Variants in CTNNA3 observed in about 807,000 individuals in gnomAD.
The protein encoded by CTNNA3 is catenin alpha-3.
Under a neutral mutation model 95.7 loss-of-function variants are expected in CTNNA3, and 76 were observed. The ratio of observed to expected loss-of-function variants is 0.79; its 90% CI spans 0.66 to 0.96. The LOEUF (loss-of-function observed/expected upper bound fraction) is 0.96. Ranked by LOEUF, CTNNA3 falls within the 40% of genes least tolerant of loss-of-function variation. The probability of loss-of-function intolerance (pLI) is 0.00; values close to 1 mark genes in which losing one functional copy is unlikely to be tolerated. For missense variants in CTNNA3, 1,191 were observed against 1,089.8 expected (o/e 1.09, Z -1.31); for synonymous variants, 431 against 374.4 (o/e 1.15, Z -1.74).
intron 1 of CTNNA3, among the ~76,000 whole-genome samples, chr10:67,653,038 A>T (rs181751062): frequency 6.6e-6 from 1 of 152,322 alleles, no homozygotes; most frequent in Admixed American, 6.5e-5. Flanking sequence ...AAAGATATTT[A>T]ATTGGCTCAT....
intron 7 of CTNNA3, among the ~76,000 whole-genome samples, chr10:66,964,757 G>A (rs754017059): frequency 6.6e-6 from 1 of 152,138 alleles, no homozygotes; most frequent in Non-Finnish European, 1.5e-5. Context: ...AAGGCAGCAT[G>A]GAAGTAGGAG....
intron 4 of CTNNA3, among the ~76,000 whole-genome samples, chr10:67,524,946 T>A (rs770465583): frequency 4.6e-5 from 7 of 152,172 alleles, no homozygotes; most frequent in Non-Finnish European, 7.3e-5. Flanking sequence ...CTCCAAGATT[T>A]TCTATATTTG....
chr10:67,208,903 T>C (rs1335371035), intron 6 of CTNNA3, among the ~76,000 whole-genome samples: 7 of 152,122 alleles, frequency 4.6e-5, no homozygotes, highest in Admixed American at 3.9e-4. Flanking sequence ...AATATCAATA[T>C]TAATACCAGA....
chr10:67,183,735 A>C (rs1862698800), intron 6 of CTNNA3, among the ~76,000 whole-genome samples: 1 of 152,098 alleles, frequency 6.6e-6, no homozygotes, highest in Admixed American at 6.6e-5. Context: ...TACTCCAAAA[A>C]GTTCACGTAA....
At chr10:66,182,418 G>C (rs2086096451) in intron 13 of CTNNA3, among the ~76,000 whole-genome samples, 1 of 152,084 alleles carries the variant, frequency 6.6e-6, no homozygotes, top group Admixed American at 6.5e-5. Context: ...ACCACGCCTA[G>C]CTATTTTTTA....
chr10:67,430,173 A>G (rs1373853567), intron 5 of CTNNA3, among the ~76,000 whole-genome samples: 3 of 151,998 alleles, frequency 2.0e-5, no homozygotes, highest in South Asian at 4.1e-4. Context: ...AATATGACCA[A>G]AAATACAATG....
chr10:67,586,657 C>A lies in CTNNA3; in HGVS notation c.292+20200G>T, dbSNP rs1842635879. On this transcript the variant is annotated intron_variant, in intron 3 of 17. Coordinates refer to ENST00000433211, the MANE Select transcript of CTNNA3 (RefSeq NM_013266.4). ...TTCTGTTTTGTGGAATATCTCCCCA[C>A]CCCATCCCTATTTTTAGTCTATATG... Among the ~76,000 whole-genome samples the A allele has an allele frequency of 2.0e-5, 3 of 152,046 alleles. No homozygotes were observed. The South Asian group carries it at 6.2e-4, about 32-fold the overall frequency.
chr10:66,430,149 C>T (rs1230844204), intron 11 of CTNNA3, among the ~76,000 whole-genome samples: 1 of 143,236 alleles, frequency 7.0e-6, no homozygotes, highest in Non-Finnish European at 1.5e-5. Context: ...AACTCCCATT[C>T]ACAATTGCTT....
chr10:66,337,354 A>G (rs1219033623), intron 12 of CTNNA3, among the ~76,000 whole-genome samples: 1 of 152,148 alleles, frequency 6.6e-6, no homozygotes, highest in Non-Finnish European at 1.5e-5. Context: ...GTACAGATAC[A>G]CTTATTTGGA....
chr10:66,853,638 C>A (rs180801568), intron 7 of CTNNA3, among the ~76,000 whole-genome samples: 1 of 151,994 alleles, frequency 6.6e-6, no homozygotes, highest in Non-Finnish European at 1.5e-5. Context: ...CTAATAAGTA[C>A]GAAGTGGTGA....
chr10:67,230,678 T>C (rs1589055719), intron 5 of CTNNA3, among the ~76,000 whole-genome samples: 1 of 152,192 alleles, frequency 6.6e-6, no homozygotes, highest in African/African-American at 2.4e-5. Context: ...GAAGCCAAGA[T>C]AGCTGAATAG....
In CTNNA3 at chr10:66,336,874, C is replaced by T. The variant is rs11814719; in HGVS notation, c.1732+42278G>A. 3.4e-3 allele frequency among the ~76,000 whole-genome samples: 512 copies of T among 152,152 alleles called. 2 individuals are homozygous for T. The highest frequency in any genetic ancestry group is 0.012 in the African/African-American group (485 of 41,558). On this transcript the variant is annotated intron_variant, in intron 12 of 17. Coordinates refer to ENST00000433211, the MANE Select transcript of CTNNA3 (RefSeq NM_013266.4). ...CCATCAGAAGATCTGTAAAGTCAAA[C>T]TATTTTTGTAATAATACTAAGACCT...
intron 10 of CTNNA3, among the ~76,000 whole-genome samples, chr10:66,544,037 T>G (rs979837302): frequency 1.3e-5 from 2 of 151,056 alleles, no homozygotes; most frequent in African/African-American, 4.9e-5. Context: ...CATTAGTAAT[T>G]TTATTTACTG....
At chr10:66,833,626 G>A (rs1009587140) in intron 7 of CTNNA3, among the ~76,000 whole-genome samples, 4 of 152,142 alleles carry the variant, frequency 2.6e-5, no homozygotes, top group African/African-American at 9.7e-5. Context: ...TTGAAGTAGT[G>A]TGTTCCTAGA....
intron 7 of CTNNA3, among the ~76,000 whole-genome samples, chr10:67,070,911 T>C (rs1254719102): frequency 6.6e-6 from 1 of 152,222 alleles, no homozygotes; most frequent in Non-Finnish European, 1.5e-5. Context: ...TTTATTTATT[T>C]GTAGTAACAT....
chr10:66,226,476 C>T (rs539791502), intron 13 of CTNNA3, among the ~76,000 whole-genome samples: 1 of 152,108 alleles, frequency 6.6e-6, no homozygotes, highest in South Asian at 2.1e-4. Flanking sequence ...ATTTTGGAGA[C>T]AAGCAGTATT....
intron 13 of CTNNA3, among the ~76,000 whole-genome samples, chr10:66,186,018 A>G (rs1462815): frequency 0.56 from 84,777 of 151,662 alleles, 23,983 homozygotes; most frequent in South Asian, 0.64. Flanking sequence ...TGTTCAATGG[A>G]TACAAAGTTA....
At chr10:66,253,015 C>T (rs1031391529) in intron 13 of CTNNA3, among the ~76,000 whole-genome samples, 2 of 152,138 alleles carry the variant, frequency 1.3e-5, no homozygotes, top group Admixed American at 6.5e-5. Context: ...GTGGATTGCA[C>T]ACAGAATGAA....
intron 5 of CTNNA3, among the ~76,000 whole-genome samples, chr10:67,509,723 G>GA (rs1275421778): frequency 5.3e-5 from 8 of 152,140 alleles, no homozygotes; most frequent in Admixed American, 4.6e-4. Context: ...GGGGTTGCTG[G>GA]ATCAAATGGT....
Sources: allele counts gnomAD v4.1 joint callset (sites outside exome capture counted in the v4.1 genomes callset), GRCh38; gene constraint gnomAD v4.1.1; transcripts MANE v1.5; gene names NCBI Gene and HGNC (gene_info 2026-07-23, HGNC 2026-07-21).